The following PRKG1 variants were observed in gnomAD, a reference collection of about 807,000 sequenced individuals.
PRKG1 encodes the protein cGMP-dependent protein kinase 1.
A neutral mutation model predicts 88.1 loss-of-function variants in PRKG1; 35 were observed. The ratio of observed to expected loss-of-function variants is 0.40; its 90% confidence interval spans 0.30 to 0.53. PRKG1 has a LOEUF of 0.53. Among genes scored for constraint, PRKG1 ranks in the 20% least tolerant of loss-of-function variants. The pLI is 0.59. For missense variants in PRKG1, 540 were observed against 839.8 expected (o/e 0.64, Z 4.41); for synonymous variants, 303 against 292.5 (o/e 1.04, Z -0.37).
At chr10:51,858,682 C>A (rs573479103) in intron 4 of PRKG1, among the ~76,000 whole-genome samples, 150 of 151,340 alleles carry the variant, frequency 9.9e-4, no homozygotes, top group Non-Finnish European at 1.8e-3. Flanking sequence ...CAAGCATTTA[C>A]TGGGTGCCTG....
chr10:51,014,489 T>C (rs1843032393), intron 1 of PRKG1, among the ~76,000 whole-genome samples: 1 of 152,132 alleles, frequency 6.6e-6, no homozygotes, highest in Non-Finnish European at 1.5e-5. Context: ...ATCCAAGAGG[T>C]AAGTAATAGG....
intron 9 of PRKG1, among the ~76,000 whole-genome samples, chr10:52,176,469 A>G (rs1838871876): frequency 6.6e-6 from 1 of 151,864 alleles, no homozygotes; most frequent in Non-Finnish European, 1.5e-5. Flanking sequence ...GGTCCACCCT[A>G]CCACCCACCA....
intron 3 of PRKG1, among the ~76,000 whole-genome samples, chr10:51,720,408 T>G (rs1841984752): frequency 6.6e-6 from 1 of 152,218 alleles, no homozygotes; most frequent in Non-Finnish European, 1.5e-5. Flanking sequence ...TCTTGCTAGT[T>G]AATAACAATA....
In PRKG1 at chr10:51,945,523, A is replaced by G. The variant is rs1224383022; in HGVS notation, c.762+37953A>G. ...ATGATGTTAGCTGGTTATTTTGCTC[A>G]TTAGTTGATGCAGTTTCTTCCTAGC... On this transcript the variant is annotated intron_variant, in intron 5 of 17. Transcript: ENST00000373980. 3.9e-5 allele frequency among the ~76,000 whole-genome samples: 6 copies of G among 151,922 alleles called. No homozygotes were observed. In the East Asian group the frequency reaches 7.8e-4, roughly 20 times the overall value.
chr10:51,112,678 T>G (rs571758279), intron 1 of PRKG1, among the ~76,000 whole-genome samples: 1 of 152,292 alleles, frequency 6.6e-6, no homozygotes, highest in South Asian at 2.1e-4. Context: ...GTTCGGATAT[T>G]TAATTTTTAT....
intron 2 of PRKG1, among the ~76,000 whole-genome samples, chr10:51,222,335 C>G (rs1460065282): frequency 6.6e-6 from 1 of 152,098 alleles, no homozygotes; most frequent in Non-Finnish European, 1.5e-5. Context: ...TCTTTTTCCA[C>G]AGACCTAAAT....
In PRKG1 at chr10:51,984,468, T is replaced by C. The variant is rs546562341; in HGVS notation, c.763-70016T>C. On this transcript the variant is annotated intron_variant, in intron 5 of 17. Transcript: ENST00000373980. ...AGTATAAAGTGATATTTTAATAATG[T>C]TTCTTATTACACTCTGAAGTATGCA... 1.1e-4 allele frequency among the ~76,000 whole-genome samples: 17 copies of C among 152,322 alleles called. No homozygotes were observed. The South Asian group carries it at 3.3e-3, about 30-fold the overall frequency.
chr10:52,006,063 T>C (rs1844726755), intron 5 of PRKG1, among the ~76,000 whole-genome samples: 1 of 147,960 alleles, frequency 6.8e-6, no homozygotes, highest in East Asian at 2.0e-4. Context: ...CCCAAGGGCA[T>C]CAAATAAGAT....
chr10:51,896,154 AG>A (rs950232409), intron 4 of PRKG1, among the ~76,000 whole-genome samples: 35 of 152,304 alleles, frequency 2.3e-4, no homozygotes, highest in African/African-American at 7.9e-4. Context: ...TTAAAAATGA[AG>A]AAAAGGATAT....
chr10:51,042,242 C>T (rs1041030219), intron 1 of PRKG1, among the ~76,000 whole-genome samples: 3 of 152,184 alleles, frequency 2.0e-5, no homozygotes, highest in African/African-American at 7.2e-5. Context: ...TAACCTCTCT[C>T]TCGTAAGAAA....
chr10:51,003,470 G>T (rs1028185878), intron 1 of PRKG1, among the ~76,000 whole-genome samples: 3 of 152,154 alleles, frequency 2.0e-5, no homozygotes, highest in Admixed American at 6.6e-5. Context: ...ATTAGAAAAA[G>T]AAGAAAAAGT....
At chr10:51,754,966 T>C (rs1171535031) in intron 3 of PRKG1, among the ~76,000 whole-genome samples, 1 of 151,518 alleles carries the variant, frequency 6.6e-6, no homozygotes, top group Non-Finnish European at 1.5e-5. Context: ...ACTTGGAATG[T>C]TAACCTTCTC....
At chr10:51,777,598 G>A (rs1838473748) in intron 3 of PRKG1, among the ~76,000 whole-genome samples, 1 of 152,000 alleles carries the variant, frequency 6.6e-6, no homozygotes, top group South Asian at 2.1e-4. Flanking sequence ...TGTTATAATT[G>A]ACATACCTAC....
intron 3 of PRKG1, among the ~76,000 whole-genome samples, chr10:51,585,492 A>G (rs4935267): frequency 0.92 from 140,400 of 152,172 alleles, 64,871 homozygotes; most frequent in East Asian, 1. Flanking sequence ...GATGGCTTAA[A>G]GTTATCTAAG....
chr10:51,741,354 G>A (rs1359946105), intron 3 of PRKG1, among the ~76,000 whole-genome samples: 6 of 151,798 alleles, frequency 4.0e-5, no homozygotes, highest in Non-Finnish European at 8.8e-5. Flanking sequence ...GTTATTGACA[G>A]GCTTTTATTA....
At chr10:51,493,076 G>A (rs977537088) in intron 3 of PRKG1, among the ~76,000 whole-genome samples, 1 of 151,950 alleles carries the variant, frequency 6.6e-6, no homozygotes, top group Non-Finnish European at 1.5e-5. Flanking sequence ...ACTTTAACAA[G>A]GTTATATCCT....
intron 2 of PRKG1, among the ~76,000 whole-genome samples, chr10:51,379,561 G>A (rs886954914): frequency 1.3e-5 from 2 of 152,158 alleles, no homozygotes; most frequent in Admixed American, 6.5e-5. Context: ...CATTGCATCT[G>A]TAGAGCTTAT....
At chr10:51,137,605 T>G (rs1845720446) in intron 1 of PRKG1, among the ~76,000 whole-genome samples, 1 of 152,094 alleles carries the variant, frequency 6.6e-6, no homozygotes, top group Admixed American at 6.5e-5. Flanking sequence ...GTCAAATAAA[T>G]TTTCTTGAAA....
At chr10:51,820,739 C>G (rs1333034683) in intron 4 of PRKG1, among the ~76,000 whole-genome samples, 1 of 152,202 alleles carries the variant, frequency 6.6e-6, no homozygotes, top group Non-Finnish European at 1.5e-5. Flanking sequence ...TTTAAGCCTA[C>G]TGTACGCACT....
Sources: gnomAD v4.1 joint callset for allele counts (sites outside exome capture counted in the v4.1 genomes callset) on GRCh38, gnomAD v4.1.1 for gene constraint, MANE v1.5 for transcripts, NCBI Gene and HGNC (gene_info 2026-07-23, HGNC 2026-07-21) for gene names.